The following SLC47A1 variants were observed in gnomAD, a reference collection of about 807,000 sequenced individuals.
SLC47A1 encodes multidrug and toxin extrusion protein 1.
Under a neutral mutation model 65.8 loss-of-function variants are expected in SLC47A1, and 58 were observed. The observed-to-expected ratio is 0.88, with a 90% CI of 0.71 to 1.10. The LOEUF (loss-of-function observed/expected upper bound fraction) is 1.10, where lower values mean the gene tolerates loss of function less well. Among genes scored for constraint, SLC47A1 ranks in the 50% least tolerant of loss-of-function variants. SLC47A1 has a pLI of 0.00. For missense variants in SLC47A1, 706 were observed against 719.2 expected (o/e 0.98, Z 0.21); for synonymous variants, 285 against 295.0 (o/e 0.97, Z 0.35).
intron 16 of SLC47A1, among the ~76,000 whole-genome samples, chr17:19,575,989 G>C (rs1193838174): frequency 6.6e-6 from 1 of 152,096 alleles, no homozygotes; most frequent in Admixed American, 6.6e-5. Context: ...TCTGTTGAGG[G>C]ATAGTAAATG....
chr17:19,535,456 CAAAAA>C (rs1354587005), intron 1 of SLC47A1: 1 of 125,650 alleles, frequency 8.0e-6, no homozygotes, highest in African/African-American at 3.0e-5. Flanking sequence ...CAAAACAAAA[CAAAAA>C]CACCTCATGG....
At chr17:19,568,893 C>T (rs930402064) in intron 14 of SLC47A1, among the ~76,000 whole-genome samples, 1 of 151,896 alleles carries the variant, frequency 6.6e-6, no homozygotes, top group African/African-American at 2.4e-5. Flanking sequence ...ACTTTATTCT[C>T]CTGTTTCATT....
At chr17:19,561,642 CAAAA>C (rs60772908) in intron 12 of SLC47A1, among the ~76,000 whole-genome samples, 3 of 58,676 alleles carry the variant, frequency 5.1e-5, no homozygotes, top group Admixed American at 2.0e-4. Flanking sequence ...GACTCTGTCT[CAAAA>C]AAAAAAAAAA....
intron 6 of SLC47A1, among the ~76,000 whole-genome samples, chr17:19,553,204 G>C (rs1237107901): frequency 6.6e-6 from 1 of 152,054 alleles, no homozygotes; most frequent in Non-Finnish European, 1.5e-5. Context: ...GGTGGGAACA[G>C]AGCCAGATGG....
At chr17:19,566,725 A>G (rs938562851) in intron 12 of SLC47A1, 65 bp from the exon 13 acceptor site, 4 of 1,515,084 alleles carry the variant, frequency 2.6e-6, no homozygotes, top group East Asian at 2.3e-5. Flanking sequence ...GCGCCTAGCC[A>G]GAAAGCTATA....
At chr17:19,566,886 GC>G in intron 13 of SLC47A1, 27 bp downstream of exon 13, 1 of 1,612,214 alleles carries the variant, frequency 6.2e-7, no homozygotes, top group East Asian at 2.2e-5. Flanking sequence ...AGTCCCCTAA[GC>G]ACTGTTATGA....
chr17:19,551,492 T>C, intron 6 of SLC47A1, 24 bp downstream of exon 6: 1 of 1,602,788 alleles, frequency 6.2e-7, no homozygotes, highest in African/African-American at 1.3e-5. Context: ...TTCTCTTCCT[T>C]TGGGAGGCTA....
At chr17:19,567,370 T>A in intron 14 of SLC47A1, 142 bp downstream of exon 14, 1 of 1,273,558 alleles carries the variant, frequency 7.9e-7, no homozygotes, top group Non-Finnish European at 1.1e-6. Context: ...TCAGAGAGTG[T>A]AGGGGGCGTT....
intron 1 of SLC47A1, among the ~76,000 whole-genome samples, chr17:19,541,640 G>A (rs113053447): frequency 6.6e-6 from 1 of 152,174 alleles, no homozygotes; most frequent in Non-Finnish European, 1.5e-5. Context: ...CCAAGTGGAC[G>A]ATCTCATCGC....
chr17:19,557,052 C>A (rs563608940), intron 10 of SLC47A1, among the ~76,000 whole-genome samples: 1 of 152,306 alleles, frequency 6.6e-6, no homozygotes, highest in South Asian at 2.1e-4. Flanking sequence ...AAAACATCAA[C>A]TGGAGATTCT....
At chr17:19,544,239 C>T (rs567730767) in intron 2 of SLC47A1, among the ~76,000 whole-genome samples, 11 of 152,358 alleles carry the variant, frequency 7.2e-5, no homozygotes, top group African/African-American at 2.6e-4. Context: ...CCACTGCACC[C>T]AGCATGGCTT....
chr17:19,572,723 G>C, intron 15 of SLC47A1, 57 bp from the exon 16 acceptor site: 2 of 1,548,584 alleles, frequency 1.3e-6, no homozygotes, highest in Non-Finnish European at 1.8e-6. Context: ...AGGTGGTCAA[G>C]TAAAATACCA....
chr17:19,538,775 G>T (rs558590178), intron 1 of SLC47A1, among the ~76,000 whole-genome samples: 3 of 152,174 alleles, frequency 2.0e-5, no homozygotes, highest in African/African-American at 7.2e-5. Flanking sequence ...ATCATGGGAG[G>T]GGGTAGGAGA....
At chr17:19,545,875 G>C (rs1023855978) in intron 2 of SLC47A1, among the ~76,000 whole-genome samples, 2 of 152,092 alleles carry the variant, frequency 1.3e-5, no homozygotes, top group Admixed American at 6.6e-5. Flanking sequence ...CCAGTGTCTG[G>C]TGCCACATGA....
At chr17:19,539,492 CTT>C (rs796151510) in intron 1 of SLC47A1, among the ~76,000 whole-genome samples, 1 of 147,314 alleles carries the variant, frequency 6.8e-6, no homozygotes. Flanking sequence ...ACTCCTGGGT[CTT>C]TTTTTTTTGA....
At chr17:19,544,792 T>C (rs943651541) in intron 2 of SLC47A1, among the ~76,000 whole-genome samples, 22 of 152,210 alleles carry the variant, frequency 1.4e-4, no homozygotes, top group African/African-American at 5.3e-4. Context: ...AGTGACTTTT[T>C]AAAAGAGAAA....
In SLC47A1 at chr17:19,533,887, C is replaced by T. The variant is rs78572621; in HGVS notation, c.-53C>T. 2.1e-5 allele frequency: 27 copies of T among 1,312,022 alleles called. No homozygotes were observed. The highest frequency in any genetic ancestry group is 2.9e-5 in the Admixed American group (1 of 34,422). The allele number at this position is 1,312,022 out of a possible 1,614,324, so 81.3% of individuals were successfully genotyped here. On this transcript the variant is annotated 5_prime_UTR_variant, in exon 1 of 17. Transcript: ENST00000270570. ...CCTGCGCGGTACTCACTGCCGGCCT[C>T]CGCGGTACCCACTGCCGGCCTCCGC...
intron 16 of SLC47A1, among the ~76,000 whole-genome samples, chr17:19,575,364 C>T (rs1457941017): frequency 6.7e-6 from 1 of 149,270 alleles, no homozygotes; most frequent in Non-Finnish European, 1.5e-5. Context: ...TCATTTTTCT[C>T]TTCGGAAGCT....
intron 12 of SLC47A1, among the ~76,000 whole-genome samples, chr17:19,564,210 G>A (rs528368378): frequency 1.3e-5 from 2 of 152,088 alleles, no homozygotes; most frequent in South Asian, 4.2e-4. Flanking sequence ...ATTTAGCTGG[G>A]CATGGTGGTG....
Sources: allele counts gnomAD v4.1 joint callset (sites outside exome capture counted in the v4.1 genomes callset), GRCh38; gene constraint gnomAD v4.1.1; transcripts MANE v1.5; gene names NCBI Gene and HGNC (gene_info 2026-07-23, HGNC 2026-07-21).